SORBS2: variants seen among roughly 807,000 people sequenced by gnomAD.
The protein encoded by SORBS2 is sorbin and SH3 domain-containing protein 2.
SORBS2 carries 46 observed loss-of-function variants against 97.7 expected under a neutral mutation model. The observed-to-expected ratio is 0.47, with a 90% CI of 0.37 to 0.60. The LOEUF is 0.60. Ranked by LOEUF, SORBS2 falls within the 20% of genes least tolerant of loss-of-function variation. SORBS2 has a pLI of 0.00. For synonymous variants in SORBS2, 476 were observed against 473.4 expected (o/e 1.01, Z -0.07); for missense variants, 1,316 against 1,282.3 (o/e 1.03, Z -0.40).
intron 9 of SORBS2, among the ~76,000 whole-genome samples, chr4:185,618,040 C>A (rs190235446): frequency 6.6e-6 from 1 of 152,152 alleles, no homozygotes; most frequent in Admixed American, 6.5e-5. Context: ...AGTGGCGCAA[C>A]CTCAGCTTAT....
At chr4:185,903,692 C>T (rs934738636) in intron 1 of SORBS2, among the ~76,000 whole-genome samples, 2 of 152,118 alleles carry the variant, frequency 1.3e-5, no homozygotes, top group Non-Finnish European at 2.9e-5. Context: ...ATTCATTAAG[C>T]CAGGATAACG....
chr4:185,705,343 C>A (rs758963034), intron 2 of SORBS2, among the ~76,000 whole-genome samples: 1 of 152,006 alleles, frequency 6.6e-6, no homozygotes, highest in East Asian at 1.9e-4. Flanking sequence ...TCTTAGAGAT[C>A]AAGACCATCC....
chr4:185,915,187 G>T (rs2099257436), intron 1 of SORBS2, among the ~76,000 whole-genome samples: 1 of 152,238 alleles, frequency 6.6e-6, no homozygotes, highest in African/African-American at 2.4e-5. Context: ...CAGCATTTGT[G>T]TGTAAGAAGT....
intron 2 of SORBS2, among the ~76,000 whole-genome samples, chr4:185,691,776 GCT>G (rs2098100084): frequency 6.6e-6 from 1 of 151,806 alleles, no homozygotes; most frequent in Non-Finnish European, 1.5e-5. Context: ...GATGAGTCTC[GCT>G]CTGTCGCCCA....
At chr4:185,605,666 C>T (rs992705170) in intron 12 of SORBS2, among the ~76,000 whole-genome samples, 1 of 151,842 alleles carries the variant, frequency 6.6e-6, no homozygotes, top group Admixed American at 6.6e-5. Context: ...CTCATTACAA[C>T]CTCCTCCTCC....
chr4:185,719,326 C>T (rs889024537), intron 2 of SORBS2, among the ~76,000 whole-genome samples: 1 of 152,174 alleles, frequency 6.6e-6, no homozygotes, highest in African/African-American at 2.4e-5. Context: ...ACTCTCAAAC[C>T]AGCGTGAACT....
chr4:185,662,523 G>A (rs1183123510), intron 4 of SORBS2, among the ~76,000 whole-genome samples: 1 of 152,196 alleles, frequency 6.6e-6, no homozygotes, highest in East Asian at 1.9e-4. Context: ...CAACAGAGGT[G>A]CCAAATGGTA....
chr4:185,651,987 G>C (rs1328901851), intron 2 of SORBS2, among the ~76,000 whole-genome samples, 159 bp from the exon 11 acceptor site: 1 of 151,372 alleles, frequency 6.6e-6, no homozygotes, highest in African/African-American at 2.4e-5. Context: ...TTTTTTAAGA[G>C]ACAGGGTTTT....
At chr4:185,776,837 T>G (rs1332684092) in intron 1 of SORBS2, among the ~76,000 whole-genome samples, 2 of 149,182 alleles carry the variant, frequency 1.3e-5, no homozygotes, top group Non-Finnish European at 3.0e-5. Context: ...GAGGTGGAGG[T>G]TGCGGTGAGC....
chr4:185,806,649 G>A (rs539844374), intron 1 of SORBS2, among the ~76,000 whole-genome samples: 9 of 151,404 alleles, frequency 5.9e-5, no homozygotes, highest in Middle Eastern at 3.4e-3. Flanking sequence ...TAGTAGAGAC[G>A]GGGTTTCACC....
intron 1 of SORBS2, among the ~76,000 whole-genome samples, chr4:185,884,625 C>G (rs777921460): frequency 6.6e-6 from 1 of 152,182 alleles, no homozygotes; most frequent in Admixed American, 6.6e-5. Context: ...GGTTTCAGGA[C>G]TGGATCTGAG....
chr4:185,872,835 C>G (rs1325723770), intron 1 of SORBS2, among the ~76,000 whole-genome samples: 1 of 152,200 alleles, frequency 6.6e-6, no homozygotes, highest in Non-Finnish European at 1.5e-5. Context: ...GGGAGGAACC[C>G]TCTACACCTC....
chr4:185,735,433 G>A (rs116319301), intron 2 of SORBS2, among the ~76,000 whole-genome samples: 6 of 149,218 alleles, frequency 4.0e-5, no homozygotes, highest in African/African-American at 1.2e-4. Context: ...TGCAAATTTG[G>A]TAGGAAAGCT....
chr4:185,590,105 C>T (rs1029952267), intron 13 of SORBS2, among the ~76,000 whole-genome samples: 1 of 152,178 alleles, frequency 6.6e-6, no homozygotes, highest in African/African-American at 2.4e-5. Flanking sequence ...ACCCGCATTT[C>T]AGTTGTCCAG....
intron 11 of SORBS2, among the ~76,000 whole-genome samples, chr4:185,614,193 C>G (rs1420923006): frequency 1.9e-5 from 2 of 103,088 alleles, no homozygotes; most frequent in Non-Finnish European, 3.5e-5. Flanking sequence ...GAGATGGAAT[C>G]TCGCTCACCT....
chr4:185,639,023 T>C (rs1429001605), intron 4 of SORBS2: 2 of 1,515,990 alleles, frequency 1.3e-6, no homozygotes. Context: ...GTCGGAGTTG[T>C]TGGGAGAGGG....
intron 1 of SORBS2, among the ~76,000 whole-genome samples, chr4:185,848,933 T>C (rs6833975): frequency 0.55 from 83,803 of 152,002 alleles, 23,519 homozygotes; most frequent in East Asian, 0.78. Context: ...ATATCTCTTG[T>C]AGCCCTTTCA....
intron 1 of SORBS2, among the ~76,000 whole-genome samples, chr4:185,850,857 G>A (rs1321212722): frequency 6.6e-6 from 1 of 152,154 alleles, no homozygotes; most frequent in Admixed American, 6.6e-5. Context: ...CTTACCCAGG[G>A]TGTGTGGGCA....
intron 2 of SORBS2, among the ~76,000 whole-genome samples, chr4:185,731,063 C>G (rs1253393526): frequency 6.6e-6 from 1 of 152,154 alleles, no homozygotes; most frequent in Non-Finnish European, 1.5e-5. Context: ...GTCAAGCAGC[C>G]ATGATCTTTT....
Sources: gnomAD v4.1 joint callset for allele counts (sites outside exome capture counted in the v4.1 genomes callset) on GRCh38, gnomAD v4.1.1 for gene constraint, MANE v1.5 for transcripts, NCBI Gene and HGNC (gene_info 2026-07-23, HGNC 2026-07-21) for gene names.